The following CAMK4 variants were observed in gnomAD, a reference collection of about 807,000 sequenced individuals.
The protein encoded by CAMK4 is calcium/calmodulin dependent protein kinase IV.
Under a neutral mutation model 44.9 loss-of-function variants are expected in CAMK4, and 22 were observed. The ratio of observed to expected loss-of-function variants is 0.49; its 90% CI spans 0.35 to 0.70. The LOEUF is 0.70. Ranked by LOEUF, CAMK4 falls within the 30% of genes least tolerant of loss-of-function variation. The pLI is 0.01. For missense variants in CAMK4, 498 were observed against 586.8 expected (o/e 0.85, Z 1.56); for synonymous variants, 218 against 215.4 (o/e 1.01, Z -0.11).
At chr5:111,437,288 C>T (rs190662140) in intron 5 of CAMK4, among the ~76,000 whole-genome samples, 1 of 152,280 alleles carries the variant, frequency 6.6e-6, no homozygotes, top group African/African-American at 2.4e-5. Context: ...AAATGAATAA[C>T]AACAAATGAA....
intron 2 of CAMK4, among the ~76,000 whole-genome samples, chr5:111,355,930 CTT>C (rs1477966394): frequency 8.8e-6 from 1 of 113,776 alleles, no homozygotes; most frequent in Non-Finnish European, 1.8e-5. Context: ...GGTTCCAAGT[CTT>C]TGCTATTGTG....
At chr5:111,469,880 C>T (rs1202842489) in intron 7 of CAMK4, among the ~76,000 whole-genome samples, 3 of 152,184 alleles carry the variant, frequency 2.0e-5, no homozygotes, top group Non-Finnish European at 2.9e-5. Flanking sequence ...TATTTGGATT[C>T]ATTTACAGTT....
intron 7 of CAMK4, among the ~76,000 whole-genome samples, chr5:111,452,252 G>A (rs531835294): frequency 1.3e-5 from 2 of 152,292 alleles, no homozygotes; most frequent in East Asian, 3.9e-4. Context: ...AGAACATAGA[G>A]TTTTTGGTAC....
chr5:111,452,880 G>A (rs1754284458), intron 7 of CAMK4, among the ~76,000 whole-genome samples: 1 of 152,216 alleles, frequency 6.6e-6, no homozygotes, highest in East Asian at 1.9e-4. Context: ...AGTGAAAGCA[G>A]CAAGGAAGCT....
intron 1 of CAMK4, among the ~76,000 whole-genome samples, chr5:111,261,171 A>G (rs1726234753): frequency 6.6e-6 from 1 of 152,056 alleles, no homozygotes; most frequent in South Asian, 2.1e-4. Flanking sequence ...TTATTCCCAA[A>G]CTCAGTTATT....
intron 4 of CAMK4, among the ~76,000 whole-genome samples, chr5:111,390,352 T>A (rs1751754462): frequency 6.6e-6 from 1 of 152,174 alleles, no homozygotes; most frequent in Non-Finnish European, 1.5e-5. Context: ...TTTTATACTT[T>A]TGACATATCT....
At chr5:111,268,903 CTAAA>C (rs200377998) in intron 1 of CAMK4, among the ~76,000 whole-genome samples, 5,430 of 152,056 alleles carry the variant, frequency 0.036, 160 homozygotes, top group Non-Finnish European at 0.05. Flanking sequence ...ATTATAGAAG[CTAAA>C]TACATACAAC....
At chr5:111,282,290 G>A (rs1465304771) in intron 1 of CAMK4, among the ~76,000 whole-genome samples, 1 of 152,060 alleles carries the variant, frequency 6.6e-6, no homozygotes, top group East Asian at 1.9e-4. Flanking sequence ...AAATTAGGTG[G>A]CTGATGGGGA....
chr5:111,297,298 C>T lies in CAMK4; in HGVS notation c.162-46726C>T, dbSNP rs140374848. ...AAAATAGCACAATGCAGTTGACTTT[C>T]AGTATGACTTAATAACTCATTTATA... On this transcript the variant is annotated intron_variant, in intron 1 of 10. Transcript: ENST00000282356. Among the ~76,000 whole-genome samples the T allele has an allele frequency of 1.5e-3, 221 of 152,290 alleles. 5 individuals carry two copies. The East Asian group carries it at 0.041, about 28-fold the overall frequency.
intron 1 of CAMK4, among the ~76,000 whole-genome samples, chr5:111,242,911 T>C (rs949281352): frequency 1.3e-5 from 2 of 152,100 alleles, no homozygotes; most frequent in African/African-American, 4.8e-5. Flanking sequence ...AGGTGTCATC[T>C]CGGGAAGCCC....
chr5:111,398,164 T>C (rs464421), intron 5 of CAMK4, among the ~76,000 whole-genome samples: 141,199 of 152,276 alleles, frequency 0.93, 65,610 homozygotes, highest in East Asian at 1. Context: ...GACATACGGT[T>C]AACTTAACCA....
At chr5:111,324,012 T>G (rs561759218) in intron 1 of CAMK4, among the ~76,000 whole-genome samples, 4 of 152,124 alleles carry the variant, frequency 2.6e-5, no homozygotes, top group African/African-American at 9.6e-5. Context: ...ATGTTTATAT[T>G]TTACAGTGTA....
At chr5:111,346,378 TTATGTGGTCCAAC>T (rs1749863283) in intron 2 of CAMK4, among the ~76,000 whole-genome samples, 1 of 151,980 alleles carries the variant, frequency 6.6e-6, no homozygotes, top group South Asian at 2.1e-4. Context: ...AATGGCAATT[TTATGTGGTCCAAC>T]TAACAACTTT....
chr5:111,358,506 G>A (rs1372144), intron 2 of CAMK4, among the ~76,000 whole-genome samples: 16,248 of 151,486 alleles, frequency 0.11, 1,433 homozygotes, highest in African/African-American at 0.23. Context: ...GAACACATTA[G>A]ATGGATGTTT....
chr5:111,334,137 C>T (rs189980536), intron 1 of CAMK4, among the ~76,000 whole-genome samples: 30 of 151,566 alleles, frequency 2.0e-4, no homozygotes, highest in South Asian at 1.0e-3. Flanking sequence ...AGTATCATTC[C>T]TTGACATGAT....
At chr5:111,393,875 T>G (rs1337365291) in intron 4 of CAMK4, among the ~76,000 whole-genome samples, 5 of 39,090 alleles carry the variant, frequency 1.3e-4, no homozygotes, top group East Asian at 1.6e-3. Flanking sequence ...AGTTTTGTGT[T>G]TTTTTTTTTT....
intron 1 of CAMK4, among the ~76,000 whole-genome samples, chr5:111,249,559 A>G (rs1373901063): frequency 6.6e-6 from 1 of 151,172 alleles, no homozygotes; most frequent in Non-Finnish European, 1.5e-5. Context: ...GACTATGAAA[A>G]TGACTTTCAA....
At position 111,224,538 on chromosome 5, in the gene CAMK4, G is replaced by A. The variant is rs751606904; in HGVS notation, c.55G>A (p.Ala19Thr). Residue 19 changes from alanine to threonine, a missense_variant, in exon 1 of 11, where the codon GCC (alanine) becomes ACC (threonine). Transcript: ENST00000282356. The surrounding 1 kb of genome is among the most constrained non-coding windows in gnomAD (Gnocchi z 5.7). ...CSASSCSSVT[A>T]SAAPGTASLV... is the part of the protein sequence containing the mutation. ...CGCCTCGTCCTGCTCTTCGGTCACC[G>A]CCAGTGCGGCCCCGGGGACCGCGAG... 5.6e-6 allele frequency: 9 copies of A among 1,611,120 alleles called. No homozygotes were observed. The highest frequency in any genetic ancestry group is 4.4e-5 in the South Asian group (4 of 90,768).
intron 1 of CAMK4, among the ~76,000 whole-genome samples, chr5:111,327,253 G>A (rs549641858): frequency 6.6e-6 from 1 of 151,638 alleles, no homozygotes; most frequent in Non-Finnish European, 1.5e-5. Flanking sequence ...GTGAGAACAT[G>A]TGGTGTTTGG....
Sources: allele counts gnomAD v4.1 joint callset (sites outside exome capture counted in the v4.1 genomes callset), GRCh38; gene constraint gnomAD v4.1.1; non-coding constraint Gnocchi (gnomAD v3.1); transcripts MANE v1.5; gene names NCBI Gene and HGNC (gene_info 2026-07-23, HGNC 2026-07-21).